PRMT3: variants seen among roughly 807,000 people sequenced by gnomAD.
PRMT3 encodes the protein protein arginine methyltransferase 3.
A neutral mutation model predicts 71.9 loss-of-function variants in PRMT3; 62 were observed. The ratio of observed to expected loss-of-function variants is 0.86; its 90% CI spans 0.70 to 1.07. The LOEUF is 1.07. Among genes scored for constraint, PRMT3 ranks in the 50% least tolerant of loss-of-function variants. The pLI is 0.00. For synonymous variants in PRMT3, 213 were observed against 220.4 expected (o/e 0.97, Z 0.30); for missense variants, 663 against 643.0 (o/e 1.03, Z -0.34).
intron 13 of PRMT3, among the ~76,000 whole-genome samples, chr11:20,479,547 C>T (rs2133430358): frequency 6.6e-6 from 1 of 152,160 alleles, no homozygotes. Context: ...CAGACGCAAA[C>T]TGAATTTGGA....
chr11:20,421,943 C>T (rs1273280148), intron 9 of PRMT3, among the ~76,000 whole-genome samples: 2 of 152,172 alleles, frequency 1.3e-5, no homozygotes, highest in African/African-American at 4.8e-5. Context: ...TATCATAAAG[C>T]CTATCTAAGT....
intron 13 of PRMT3, among the ~76,000 whole-genome samples, chr11:20,475,785 G>T (rs1419794700): frequency 1.3e-5 from 2 of 150,632 alleles, no homozygotes; most frequent in Non-Finnish European, 2.9e-5. Flanking sequence ...CTCCCCAGTT[G>T]CTGGGATTAC....
rs574607735 is a variant in PRMT3 at position 20,392,866 on chromosome 11, G to GA, written c.298-24dup. The GA allele has an allele frequency of 1.7e-4, 239 of 1,374,212 alleles. 1 individual carries two copies. In the African/African-American group the frequency reaches 3.0e-3, roughly 17 times the overall value. 85.1% of individuals were successfully genotyped at this position (1,374,212 alleles called of 1,614,324 possible). A position where few individuals can be genotyped will look rare whatever the true frequency, so the allele number is the denominator to read the frequency against. On this transcript the variant is annotated intron_variant, in intron 4 of 15. Coordinates refer to ENST00000331079, the MANE Select transcript of PRMT3 (RefSeq NM_005788.4). ...AGGGGATTTTGTGATTATATGTAAT[G>GA]AAAAAAACATGAGATTAATTTTATA...
At chr11:20,427,831 T>C (rs1294962987) in intron 10 of PRMT3, among the ~76,000 whole-genome samples, 1 of 146,388 alleles carries the variant, frequency 6.8e-6, no homozygotes, top group African/African-American at 2.5e-5. Context: ...TATTTTGAAA[T>C]AATTTTTTTC....
At position 20,392,198 on chromosome 11, in the gene PRMT3, T is replaced by C. The variant is rs1848729832; in HGVS notation, c.248-13T>C. ...TATGTTAACATAGGTGAATTATCTT[T>C]TTCCCCCTTTAGGACTTGAATTTTA... On this transcript the variant is annotated splice_polypyrimidine_tract_variant and intron_variant, in intron 3 of 15. Transcript: ENST00000331079. 2 of 1,572,422 alleles carry C rather than the reference T, an allele frequency of 1.3e-6. No individual in the cohort carries two copies. The highest frequency in any genetic ancestry group is 3.5e-5 in the Admixed American group (2 of 56,708).
At chr11:20,417,952 GTCTC>G (rs1465531044) in intron 9 of PRMT3, among the ~76,000 whole-genome samples, 1 of 151,998 alleles carries the variant, frequency 6.6e-6, no homozygotes, top group Admixed American at 6.6e-5. Flanking sequence ...TTACTGTTCT[GTCTC>G]TCTTAGACCA....
At chr11:20,505,200 T>A (rs918087276) in intron 15 of PRMT3, among the ~76,000 whole-genome samples, 1 of 152,206 alleles carries the variant, frequency 6.6e-6, no homozygotes, top group Non-Finnish European at 1.5e-5. Context: ...TTTCTATGTA[T>A]AAAACCAGGT....
intron 13 of PRMT3, among the ~76,000 whole-genome samples, chr11:20,468,627 T>C (rs1160047469): frequency 6.6e-6 from 1 of 152,120 alleles, no homozygotes; most frequent in African/African-American, 2.4e-5. Flanking sequence ...CCTCAGCCTC[T>C]CAAAGTGCTG....
At chr11:20,493,854 G>GT in intron 13 of PRMT3, 65 bp from the exon 14 acceptor site, 1 of 1,087,026 alleles carries the variant, frequency 9.2e-7, no homozygotes. Context: ...TTAAGAGACA[G>GT]TAATGAGTTA....
chr11:20,423,873 T>TAAAAAAAAAAAA (rs58636447), intron 9 of PRMT3, among the ~76,000 whole-genome samples: 4 of 27,116 alleles, frequency 1.5e-4, no homozygotes, highest in African/African-American at 4.6e-4. Flanking sequence ...GATTCTCTCT[T>TAAAAAAAAAAAA]AAAAAAAAAA....
At chr11:20,422,087 T>TTTA (rs1268013701) in intron 9 of PRMT3, among the ~76,000 whole-genome samples, 7 of 152,306 alleles carry the variant, frequency 4.6e-5, no homozygotes, top group South Asian at 4.1e-4. Context: ...GCAGATTAGT[T>TTTA]GTCATACCAC....
In PRMT3 at chr11:20,404,223, T is replaced by G. The variant is rs796168137; in HGVS notation, c.771+1239T>G. Among the ~76,000 whole-genome samples the G allele has an allele frequency of 4.2e-4, 35 of 83,526 alleles. 2 individuals are homozygous for G. The highest frequency in any genetic ancestry group is 1.3e-3 in the African/African-American group (26 of 20,620). 54.8% of individuals were successfully genotyped at this position (83,526 alleles called of 152,430 possible). ...GAGACTTTTCATAGTTTTTTTTTTT[T>G]TTTTTTTTTTTTTTTTTTTTTTTTT... On this transcript the variant is annotated intron_variant, in intron 8 of 15. Coordinates refer to ENST00000331079, the MANE Select transcript of PRMT3 (RefSeq NM_005788.4).
intron 10 of PRMT3, among the ~76,000 whole-genome samples, chr11:20,444,734 G>A (rs1849985546): frequency 6.6e-6 from 1 of 152,014 alleles, no homozygotes; most frequent in South Asian, 2.1e-4. Flanking sequence ...GTTATTGTTG[G>A]AGTGTTACGT....
chr11:20,476,283 G>A (rs1435841597), intron 13 of PRMT3, among the ~76,000 whole-genome samples: 1 of 152,070 alleles, frequency 6.6e-6, no homozygotes, highest in Admixed American at 6.5e-5. Context: ...AACCCAGGAG[G>A]CAGAGGTTGC....
At position 20,388,118 on chromosome 11, in the gene PRMT3, A is replaced by G; in HGVS notation, c.128A>G (p.His43Arg). 1 of 1,613,970 alleles carries G rather than the reference A, an allele frequency of 6.2e-7. No homozygotes were observed. The highest frequency in any genetic ancestry group is 8.5e-7 in the Non-Finnish European group (1 of 1,179,976). Reference sequence around the variant, plus strand: ...GATGAGGACGATGCAGATCTCCCCCACGGCAAGCAGCAGACCCCCTGCCTG... The same window carrying G: ...GATGAGGACGATGCAGATCTCCCCCGCGGCAAGCAGCAGACCCCCTGCCTG... The part of the protein sequence containing the change: ...WEDEDDADLP[H>R]GKQQTPCLFC... Residue 43 changes from histidine to arginine, a missense_variant, in exon 2 of 16, where the codon CAC becomes CGC. By Grantham distance (29) the His-to-Arg change is conservative (BLOSUM62 0). Transcript: ENST00000331079.
intron 10 of PRMT3, among the ~76,000 whole-genome samples, chr11:20,444,018 CATGATT>C (rs1482971588): frequency 2.0e-5 from 3 of 152,060 alleles, no homozygotes; most frequent in African/African-American, 7.2e-5. Context: ...CCGTTATTAC[CATGATT>C]CTTCTTCTTG....
At position 20,452,116 on chromosome 11, in the gene PRMT3, C is replaced by G. The variant is rs778776980; in HGVS notation, c.994-14C>G. The G allele has an allele frequency of 4.7e-5, 74 of 1,573,578 alleles. No homozygotes were observed. Among genetic ancestry groups the G allele is most frequent in the Non-Finnish European group, 6.5e-5 (74 of 1,146,150 alleles). ...CACATTTCTAAACTCTTTTTTTCCC[C>G]TTTTTTTATGCAGGGCTATTTTCTT... On this transcript the variant is annotated splice_polypyrimidine_tract_variant and intron_variant, in intron 10 of 15. Transcript: ENST00000331079.
intron 10 of PRMT3, among the ~76,000 whole-genome samples, chr11:20,434,038 G>A (rs1001147327): frequency 6.6e-6 from 1 of 152,076 alleles, no homozygotes; most frequent in African/African-American, 2.4e-5. Context: ...TGCCAGCACC[G>A]TTATTTTTTC....
intron 13 of PRMT3, among the ~76,000 whole-genome samples, chr11:20,489,296 A>AGAT (rs971770650): frequency 6.6e-6 from 1 of 152,190 alleles, no homozygotes; most frequent in African/African-American, 2.4e-5. Context: ...CAACTCCTAC[A>AGAT]GATAGATTTT....
Sources: gnomAD v4.1 joint callset for allele counts (sites outside exome capture counted in the v4.1 genomes callset) on GRCh38, gnomAD v4.1.1 for gene constraint, MANE v1.5 for transcripts, NCBI Gene and HGNC (gene_info 2026-07-23, HGNC 2026-07-21) for gene names.